The following CACNA2D3 variants were observed in gnomAD, a reference collection of about 807,000 sequenced individuals.
The protein encoded by CACNA2D3 is calcium voltage-gated channel auxiliary subunit alpha2delta 3.
A neutral mutation model predicts 160.6 loss-of-function variants in CACNA2D3; 60 were observed. The observed-to-expected ratio is 0.37, with a 90% CI of 0.30 to 0.46. The LOEUF is 0.46. CACNA2D3 is among the 20% of genes least tolerant of loss of function. The probability of loss-of-function intolerance (pLI) is 1.00; values close to 1 mark genes in which losing one functional copy is unlikely to be tolerated. For missense variants in CACNA2D3, 1,205 were observed against 1,365.0 expected (o/e 0.88, Z 1.85); for synonymous variants, 558 against 492.9 (o/e 1.13, Z -1.75).
intron 13 of CACNA2D3, among the ~76,000 whole-genome samples, chr3:54,779,525 AT>A (rs1702492488): frequency 1.3e-5 from 2 of 152,078 alleles, no homozygotes; most frequent in African/African-American, 4.8e-5. Flanking sequence ...TTTTTTCTGT[AT>A]TTCCCCCAAG....
At chr3:54,338,708 A>G (rs1704451019) in intron 3 of CACNA2D3, among the ~76,000 whole-genome samples, 1 of 151,856 alleles carries the variant, frequency 6.6e-6, no homozygotes, top group African/African-American at 2.4e-5. Context: ...TCAAGTCCTG[A>G]CTCTGCCTCT....
intron 5 of CACNA2D3, among the ~76,000 whole-genome samples, chr3:54,520,463 A>G (rs2106987369): frequency 6.6e-6 from 1 of 152,330 alleles, no homozygotes; most frequent in Non-Finnish European, 1.5e-5. Flanking sequence ...CGTGGACAGC[A>G]TCAGGAAGGA....
intron 2 of CACNA2D3, among the ~76,000 whole-genome samples, chr3:54,225,216 T>C (rs1395640322): frequency 6.6e-6 from 1 of 152,156 alleles, no homozygotes; most frequent in East Asian, 1.9e-4. Context: ...TGGTTTTTTG[T>C]CCTTGTGATA....
chr3:54,150,127 C>G (rs1700119396), intron 2 of CACNA2D3, among the ~76,000 whole-genome samples: 1 of 151,510 alleles, frequency 6.6e-6, no homozygotes. Context: ...TTGCTTCCCT[C>G]CATAGAAGAA....
chr3:55,040,684 CT>C, intron 35 of CACNA2D3, among the ~76,000 whole-genome samples: 1 of 152,250 alleles, frequency 6.6e-6, no homozygotes, highest in East Asian at 1.9e-4. Flanking sequence ...GACCTCATCT[CT>C]AATAATAAAA....
chr3:54,973,211 G>A (rs1702314410), intron 29 of CACNA2D3, among the ~76,000 whole-genome samples: 1 of 152,070 alleles, frequency 6.6e-6, no homozygotes. Flanking sequence ...TGTGGTCAAG[G>A]AAAACACAGT....
intron 4 of CACNA2D3, among the ~76,000 whole-genome samples, chr3:54,472,938 G>T (rs141371011): frequency 6.6e-6 from 1 of 152,156 alleles, no homozygotes; most frequent in Non-Finnish European, 1.5e-5. Flanking sequence ...AATCAGTATC[G>T]TGAAAACGGC....
At chr3:54,831,065 A>C (rs549571723) in intron 14 of CACNA2D3, among the ~76,000 whole-genome samples, 4 of 152,356 alleles carry the variant, frequency 2.6e-5, no homozygotes, top group Admixed American at 2.0e-4. Flanking sequence ...AAAGCAACAC[A>C]AATGTAAGAG....
rs143688689 is a variant in CACNA2D3 at position 54,595,590 on chromosome 3, C to T, written c.963+13713C>T. On this transcript the variant is annotated intron_variant, in intron 9 of 37. Transcript: ENST00000474759. ...CCATGCCTTTCTTTGCCTGTGACAA[C>T]TGCTTGGGTCCCAGCAGCACCCATG... Among the ~76,000 whole-genome samples the T allele has an allele frequency of 2.1e-3, 321 of 152,258 alleles. 1 individual carries two copies. The highest frequency in any genetic ancestry group is 7.2e-3 in the African/African-American group (301 of 41,536).
chr3:54,932,886 A>C (rs571528795), intron 27 of CACNA2D3, among the ~76,000 whole-genome samples: 1 of 152,230 alleles, frequency 6.6e-6, no homozygotes, highest in Admixed American at 6.5e-5. Context: ...CCACAAATCC[A>C]TGCAGAAATT....
rs564257960 is a variant in CACNA2D3, at chr3:54,816,923, A to T, written c.1398+53A>T. The T allele has an allele frequency of 9.9e-5, 157 of 1,590,194 alleles. 2 individuals carry two copies. The South Asian group carries it at 1.2e-3, about 12-fold the overall frequency. On this transcript the variant is annotated intron_variant, in intron 14 of 37. Transcript: ENST00000474759. ...CACCCCCAGAACTCACGAGTCATGC[A>T]TGCCTCCATGGTGTTGTACATTTGA...
intron 5 of CACNA2D3, among the ~76,000 whole-genome samples, chr3:54,552,823 A>C (rs1702181542): frequency 6.6e-6 from 1 of 152,218 alleles, no homozygotes; most frequent in Non-Finnish European, 1.5e-5. Flanking sequence ...ACAAAATTTA[A>C]AATATATGAA....
intron 3 of CACNA2D3, among the ~76,000 whole-genome samples, chr3:54,370,259 C>A (rs1698901413): frequency 6.6e-6 from 1 of 151,976 alleles, no homozygotes; most frequent in Non-Finnish European, 1.5e-5. Flanking sequence ...ATCAGACTTA[C>A]AGTTCTTAGA....
chr3:54,450,908 C>G (rs1200739720), intron 4 of CACNA2D3, among the ~76,000 whole-genome samples: 4 of 152,108 alleles, frequency 2.6e-5, no homozygotes, highest in Non-Finnish European at 5.9e-5. Flanking sequence ...ATTTGTGGAT[C>G]TGAGAAACAA....
rs1485107888 is a variant in CACNA2D3 at position 54,846,413 on chromosome 3, C to T, written c.1572C>T (p.Ala524=). 1 of 1,606,588 alleles carries T rather than the reference C, an allele frequency of 6.2e-7. No individual in the cohort carries two copies. The highest frequency in any genetic ancestry group is 1.7e-5 in the Admixed American group (1 of 59,312). The stretch of plus-strand genomic sequence containing the variant: ...TACAGTTAGGGATTCACGGTTATGC[C>T]TTTGCAATCACAAATAATGGATATA... ...PKYKLGIHGY[A]FAITNNGYIL... Residue 524 remains alanine, a synonymous_variant, in exon 17 of 38, where the codon GCC becomes GCT. Coordinates refer to ENST00000474759, the MANE Select transcript of CACNA2D3 (RefSeq NM_018398.3).
At position 55,000,811 on chromosome 3, in the gene CACNA2D3, G is replaced by C. The variant is rs185792230; in HGVS notation, c.2691-3952G>C. On this transcript the variant is annotated intron_variant, in intron 31 of 37. Transcript: ENST00000474759. Reference sequence around the variant, plus strand: ...GGGTTGAAAGTTGATTCTGGACATTGGTTATCTTGGGCAGCATTTTTTGTG... The same window carrying C: ...GGGTTGAAAGTTGATTCTGGACATTCGTTATCTTGGGCAGCATTTTTTGTG... Among the ~76,000 whole-genome samples, 4 of 152,148 alleles carry C rather than the reference G, an allele frequency of 2.6e-5. No homozygotes were observed. The East Asian group carries it at 7.8e-4, about 30-fold the overall frequency.
At chr3:54,850,491 TGA>T (rs1241890010) in intron 17 of CACNA2D3, among the ~76,000 whole-genome samples, 1 of 152,234 alleles carries the variant, frequency 6.6e-6, no homozygotes, top group East Asian at 1.9e-4. Flanking sequence ...CCTTTGTATT[TGA>T]GAGCTTTAGG....
chr3:54,400,939 T>A lies in CACNA2D3; in HGVS notation c.381+14165T>A, dbSNP rs147635523. On this transcript the variant is annotated intron_variant, in intron 4 of 37. Coordinates refer to ENST00000474759, the MANE Select transcript of CACNA2D3 (RefSeq NM_018398.3). The stretch of plus-strand genomic sequence containing the variant: ...GAATTTTCTAAAAAGGAATTCAGAA[T>A]AATGATTGTGAGGAAACTCTGTGAG... Among the ~76,000 whole-genome samples, 358 of 152,218 alleles carry A rather than the reference T, an allele frequency of 2.4e-3. 3 individuals are homozygous for A. The highest frequency in any genetic ancestry group is 8.4e-3 in the African/African-American group (349 of 41,536).
At chr3:54,700,475 C>A (rs959603416) in intron 11 of CACNA2D3, among the ~76,000 whole-genome samples, 1 of 152,128 alleles carries the variant, frequency 6.6e-6, no homozygotes, top group Non-Finnish European at 1.5e-5. Context: ...TTTTAATAAT[C>A]CCATTAGCTG....
Sources: gnomAD v4.1 joint callset for allele counts (sites outside exome capture counted in the v4.1 genomes callset) on GRCh38, gnomAD v4.1.1 for gene constraint, MANE v1.5 for transcripts, NCBI Gene and HGNC (gene_info 2026-07-23, HGNC 2026-07-21) for gene names.